The following VWA8 variants were observed in gnomAD, a reference collection of about 807,000 sequenced individuals.
VWA8 encodes the protein von Willebrand factor A domain-containing protein 8.
In VWA8, 221 loss-of-function variants were observed where a neutral mutation model predicts 241.5. That is an observed-to-expected ratio of 0.91 (90% CI 0.82 to 1.02). The LOEUF (loss-of-function observed/expected upper bound fraction) is 1.02. Among genes scored for constraint, VWA8 ranks in the 50% least tolerant of loss-of-function variants. The probability of loss-of-function intolerance (pLI) is 0.00; values close to 1 mark genes in which losing one functional copy is unlikely to be tolerated. For missense variants in VWA8, 2,322 were observed against 2,328.7 expected, an observed-to-expected ratio of 1.00 and a Z score of 0.06; for synonymous variants, 852 against 827.1, an observed-to-expected ratio of 1.03 and a Z score of -0.52.
At chr13:41,948,229 C>T (rs1413541489) in intron 2 of VWA8, among the ~76,000 whole-genome samples, 1 of 152,040 alleles carries the variant, frequency 6.6e-6, no homozygotes, top group African/African-American at 2.4e-5. Context: ...ATCAATAAAC[C>T]TTGAAAACAT....
intron 12 of VWA8, chr13:41,865,275 A>T (rs1430414782): frequency 2.7e-6 from 1 of 372,638 alleles, no homozygotes; most frequent in Non-Finnish European, 5.2e-6. Context: ...TAGGGTAATT[A>T]AGGTGTCAAT....
intron 1 of VWA8, 130 bp downstream of exon 1, chr13:41,960,720 ATCT>A: frequency 6.9e-6 from 9 of 1,304,882 alleles, no homozygotes; most frequent in Non-Finnish European, 9.0e-6. Context: ...TAGAACCTCA[ATCT>A]TTCAGCTCCC....
intron 13 of VWA8, among the ~76,000 whole-genome samples, chr13:41,832,782 G>C (rs1871527570): frequency 6.6e-6 from 1 of 152,148 alleles, no homozygotes; most frequent in African/African-American, 2.4e-5. Context: ...TTCTAGAGAA[G>C]TTTTAGGAAT....
In VWA8 at chr13:41,690,171, G is replaced by T. The variant is rs912818054; in HGVS notation, c.3971C>A (p.Thr1324Lys). 6.8e-6 allele frequency: 11 copies of T among 1,611,752 alleles called. No homozygotes were observed. The African/African-American group carries it at 1.1e-4, about 16-fold the overall frequency. Residue 1324 changes from threonine to lysine, a missense_variant, in exon 33 of 45, where the codon ACA (threonine) becomes AAA (lysine). By Grantham distance (78) the Thr-to-Lys change is moderately conservative. Coordinates refer to ENST00000379310, the MANE Select transcript of VWA8 (RefSeq NM_015058.2). ...ACAGATGACATAGTATTTACCTTGT[G>T]TAACTCCAAACCCTGTGCTGGGCGG... ...EEPPSTGFGVTQETEFSIPHK... is the reference protein window; with the variant it reads ...EEPPSTGFGVKQETEFSIPHK...
intron 19 of VWA8, among the ~76,000 whole-genome samples, chr13:41,783,502 G>A (rs944125428): frequency 6.6e-6 from 1 of 151,922 alleles, no homozygotes; most frequent in Admixed American, 6.6e-5. Context: ...GCCAGGCATG[G>A]TGGCACATGC....
chr13:41,812,440 T>A (rs1870511288), intron 16 of VWA8, among the ~76,000 whole-genome samples: 2 of 152,036 alleles, frequency 1.3e-5, no homozygotes, highest in African/African-American at 2.4e-5. Context: ...GTATGAAATG[T>A]CACAGAGGGT....
At chr13:41,749,142 G>T (rs542681600) in intron 21 of VWA8, among the ~76,000 whole-genome samples, 6 of 151,992 alleles carry the variant, frequency 3.9e-5, no homozygotes, top group African/African-American at 1.4e-4. Context: ...AATCTACAAA[G>T]AACTCAAATT....
At chr13:41,959,606 CTTT>C (rs1168629617) in intron 1 of VWA8, among the ~76,000 whole-genome samples, 4 of 79,638 alleles carry the variant, frequency 5.0e-5, no homozygotes, top group South Asian at 1.2e-3. Context: ...CCTAAATATG[CTTT>C]TTTTTTTTTT....
At chr13:41,859,453 C>G (rs1193730978) in intron 12 of VWA8, among the ~76,000 whole-genome samples, 2 of 152,092 alleles carry the variant, frequency 1.3e-5, no homozygotes, top group Non-Finnish European at 2.9e-5. Context: ...CACTAAAAGT[C>G]CCATAAACTT....
In VWA8 at chr13:41,670,962, T is replaced by A. The variant is rs978482826; in HGVS notation, c.4595A>T (p.Asp1532Val). ...LMEWRNMIGQ[D>V]DRNMQITINR... is the part of the protein sequence containing the mutation. The stretch of plus-strand genomic sequence containing the variant: ...AAATGGTACCTGCATATTTCTGTCA[T>A]CTTGTCCAATCATGTTTCTCCATTC... The change falls in exon 37 of 45, where the codon GAT becomes GTT. Residue 1532 changes from aspartate to valine, a missense_variant. Physicochemically the swap from Asp to Val is radical, Grantham distance 152. Coordinates refer to ENST00000379310, the MANE Select transcript of VWA8 (RefSeq NM_015058.2). The A allele has an allele frequency of 1.9e-6, 3 of 1,613,798 alleles. No homozygotes were observed. Among genetic ancestry groups the A allele is most frequent in the Non-Finnish European group, 2.5e-6 (3 of 1,179,820 alleles).
At chr13:41,659,112 G>A (rs1000971105) in intron 37 of VWA8, among the ~76,000 whole-genome samples, 5 of 152,150 alleles carry the variant, frequency 3.3e-5, no homozygotes, top group African/African-American at 1.2e-4. Context: ...ACAGGAGCAA[G>A]GTTTGAAACA....
intron 1 of VWA8, among the ~76,000 whole-genome samples, chr13:41,952,139 A>C (rs1387195512): frequency 6.6e-6 from 1 of 152,168 alleles, no homozygotes; most frequent in Non-Finnish European, 1.5e-5. Context: ...GGAACTTGTA[A>C]GTCATATAAA....
At chr13:41,713,563 A>C (rs987904082) in intron 26 of VWA8, among the ~76,000 whole-genome samples, 4 of 152,220 alleles carry the variant, frequency 2.6e-5, no homozygotes, top group African/African-American at 9.6e-5. Flanking sequence ...AGTAACTACA[A>C]GACTTCATTA....
intron 37 of VWA8, among the ~76,000 whole-genome samples, chr13:41,630,493 C>G (rs889924980): frequency 6.6e-6 from 1 of 151,878 alleles, no homozygotes; most frequent in African/African-American, 2.4e-5. Flanking sequence ...AAGTGATATG[C>G]TTGATAAACA....
chr13:41,934,924 T>C (rs1182257306), intron 2 of VWA8, among the ~76,000 whole-genome samples: 2 of 152,132 alleles, frequency 1.3e-5, no homozygotes, highest in Non-Finnish European at 2.9e-5. Flanking sequence ...TAATACTGTT[T>C]TTAAAAATTA....
chr13:41,571,310 C>CCTCCCT (rs1555303084), intron 43 of VWA8, among the ~76,000 whole-genome samples: 16 of 107,500 alleles, frequency 1.5e-4, no homozygotes, highest in Admixed American at 1.1e-3. Flanking sequence ...CCCTCTCCCT[C>CCTCCCT]CTCCCTCTCC....
chr13:41,648,911 C>T (rs561551395), intron 37 of VWA8, among the ~76,000 whole-genome samples: 16 of 152,258 alleles, frequency 1.1e-4, no homozygotes, highest in Non-Finnish European at 1.3e-4. Flanking sequence ...GGGCTGAGTA[C>T]GGTGGCTCAT....
chr13:41,590,679 T>C lies in VWA8; in HGVS notation c.5073A>G (p.Glu1691=), dbSNP rs2044448696. The change falls in exon 41 of 45, where the codon GAA becomes GAG. Residue 1691 remains glutamate, a synonymous_variant. Coordinates refer to ENST00000379310, the MANE Select transcript of VWA8 (RefSeq NM_015058.2). ...CACCCCGACGTTTGTAGATGGCTTT[T>C]TCTCCAGTCAGCCCATCAATGATCT... ...DAKIIDGLTG[E]KAIYKRRGEL... 1.9e-6 allele frequency: 3 copies of C among 1,614,152 alleles called. No individual in the cohort carries two copies. Among genetic ancestry groups the C allele is most frequent in the East Asian group, 4.5e-5 (2 of 44,876 alleles).
intron 26 of VWA8, among the ~76,000 whole-genome samples, chr13:41,711,942 CTT>C (rs58734034): frequency 3.4e-5 from 5 of 146,148 alleles, no homozygotes; most frequent in Admixed American, 6.8e-5. Flanking sequence ...AATGCAAACA[CTT>C]TTTTTTTTTT....
Sources: allele counts gnomAD v4.1 joint callset (sites outside exome capture counted in the v4.1 genomes callset), GRCh38; gene constraint gnomAD v4.1.1; transcripts MANE v1.5; gene names NCBI Gene and HGNC (gene_info 2026-07-23, HGNC 2026-07-21).